VANGL2: variants seen among roughly 807,000 people sequenced by gnomAD.
VANGL2 encodes the protein vang-like protein 2.
VANGL2 carries 14 observed loss-of-function variants against 50.2 expected under a neutral mutation model. That is an observed-to-expected ratio of 0.28 (90% confidence interval 0.18 to 0.44). The LOEUF is 0.44. Ranked by LOEUF, VANGL2 falls within the 20% of genes least tolerant of loss-of-function variation. The probability of loss-of-function intolerance (pLI) is 1.00; values close to 1 mark genes in which losing one functional copy is unlikely to be tolerated. For missense variants in VANGL2, 533 were observed against 701.5 expected (o/e 0.76, Z 2.71); for synonymous variants, 295 against 297.2 (o/e 0.99, Z 0.08).
intron 4 of VANGL2, 22 bp from the exon 5 acceptor site, chr1:160,420,389 C>G (rs149376089): frequency 1.9e-6 from 3 of 1,613,868 alleles, no homozygotes; most frequent in East Asian, 4.5e-5. Flanking sequence ...TCTCCCACCC[C>G]CTCCTGCCGT....
At chr1:160,406,412 C>G (rs960789055) in intron 1 of VANGL2, among the ~76,000 whole-genome samples, 2 of 152,192 alleles carry the variant, frequency 1.3e-5, no homozygotes, top group African/African-American at 4.8e-5. Context: ...ATCTCATCTC[C>G]AGGAGGAGCA....
chr1:160,407,404 C>T (rs1319133887), intron 1 of VANGL2, among the ~76,000 whole-genome samples: 1 of 152,174 alleles, frequency 6.6e-6, no homozygotes, highest in Non-Finnish European at 1.5e-5. Flanking sequence ...CACACTGCAT[C>T]TCACACCCTG....
Position 160,421,167 on chromosome 1 carries a change from G to A in VANGL2, c.1053G>A (p.Arg351=). The change falls in exon 6 of 8, where the codon AGG becomes AGA. Residue 351 remains arginine, a synonymous_variant. Coordinates refer to ENST00000368061, the MANE Select transcript of VANGL2 (RefSeq NM_020335.3). ...YYYEEAEHER[R]VRKRRARLVV... is the part of the protein sequence containing the mutation. ...ATGAGGAGGCTGAGCATGAGCGAAG[G>A]GTGCGCAAGAGGAGGGCCAGGTGGG... 2 of 1,613,784 alleles carry A rather than the reference G, an allele frequency of 1.2e-6. No individual in the cohort carries two copies. Among genetic ancestry groups the A allele is most frequent in the Non-Finnish European group, 8.5e-7 (1 of 1,180,046 alleles).
rs534867335 is a variant in VANGL2, at chr1:160,403,999, G to T, written c.-191+3130G>T. ...TTAATAATAGGCCCTACTTCTTGGGGTTATGAGGATTAAATGAAATAATAG... is the reference window on the plus strand; with the variant it reads ...TTAATAATAGGCCCTACTTCTTGGGTTTATGAGGATTAAATGAAATAATAG... On this transcript the variant is annotated intron_variant, in intron 1 of 7. Transcript: ENST00000368061. 1.8e-4 allele frequency among the ~76,000 whole-genome samples: 28 copies of T among 152,316 alleles called. No individual in the cohort carries two copies. In the Middle Eastern group the frequency reaches 0.01, roughly 56 times the overall value.
chr1:160,424,130 G>A lies in VANGL2; in HGVS notation c.1152G>A (p.Val384=), dbSNP rs775774017. The A allele has an allele frequency of 1.2e-6, 2 of 1,614,136 alleles. No individual in the cohort carries two copies. The highest frequency in any genetic ancestry group is 4.5e-5 in the East Asian group (2 of 44,880). The change falls in exon 7 of 8, where the codon GTG becomes GTA. Residue 384 remains valine, a synonymous_variant. Transcript: ENST00000368061. ...AGGAGCAGAAAAACCCCAGGGAGGTGATGGACCCCCGGGAGGCAGCCCAAG... is the reference window on the plus strand; with the variant it reads ...AGGAGCAGAAAAACCCCAGGGAGGTAATGGACCCCCGGGAGGCAGCCCAAG... ...QEEEQKNPRE[V]MDPREAAQAI...
At chr1:160,415,023 C>T (rs1651006902) in intron 1 of VANGL2, among the ~76,000 whole-genome samples, 1 of 152,164 alleles carries the variant, frequency 6.6e-6, no homozygotes, top group Admixed American at 6.5e-5. Context: ...CCATAGTTTC[C>T]ACCCCTCACC....
At position 160,419,351 on chromosome 1, in the gene VANGL2, T is replaced by G. The variant is rs1170827928; in HGVS notation, c.542T>G (p.Leu181Arg). Residue 181 changes from leucine to arginine, a missense_variant, in exon 4 of 8, where the codon CTG (leucine) becomes CGG (arginine). By Grantham distance (102) the Leu-to-Arg change is moderately radical. Transcript: ENST00000368061. This position sits in a 1 kb window ranked among gnomAD's most constrained non-coding sequence, Gnocchi z 5.8. Reference protein sequence around the residue: ...PKASLPRVFVLRALLMVLVFL... With the variant: ...PKASLPRVFVRRALLMVLVFL... The stretch of plus-strand genomic sequence containing the variant: ...GCCTCGCTGCCCCGCGTCTTTGTGC[T>G]GCGTGCCCTGCTTATGGTGCTGGTT... 1.2e-6 allele frequency: 2 copies of G among 1,611,688 alleles called. No homozygotes were observed. The highest frequency in any genetic ancestry group is 1.7e-6 in the Non-Finnish European group (2 of 1,180,026).
At chr1:160,405,832 AGAG>A (rs1055766223) in intron 1 of VANGL2, among the ~76,000 whole-genome samples, 8 of 152,142 alleles carry the variant, frequency 5.3e-5, no homozygotes, top group Non-Finnish European at 8.8e-5. Context: ...AAAGAAGCAG[AGAG>A]GAGGAAGAGG....
intron 1 of VANGL2, among the ~76,000 whole-genome samples, chr1:160,413,014 G>A (rs1351894038): frequency 1.3e-5 from 2 of 152,168 alleles, no homozygotes; most frequent in Non-Finnish European, 2.9e-5. Context: ...GCCTATGTGT[G>A]TAGTAGGCTA....
At chr1:160,403,729 T>A (rs533063077) in intron 1 of VANGL2, among the ~76,000 whole-genome samples, 4 of 152,228 alleles carry the variant, frequency 2.6e-5, no homozygotes, top group African/African-American at 9.6e-5. Context: ...GGAGTCAGAG[T>A]TGGTTGGAAT....
Position 160,405,806 on chromosome 1 carries a change from C to T in VANGL2, c.-191+4937C>T, listed in dbSNP as rs963707282. 3.3e-5 allele frequency among the ~76,000 whole-genome samples: 5 copies of T among 152,026 alleles called. No individual in the cohort carries two copies. In the East Asian group the frequency reaches 9.6e-4, roughly 29 times the overall value. On this transcript the variant is annotated intron_variant, in intron 1 of 7. Coordinates refer to ENST00000368061, the MANE Select transcript of VANGL2 (RefSeq NM_020335.3). ...AAGGAGAGGAGGAAAGGTGGGGGAT[C>T]CAAGGGCCTCTGAAGAAAGAAGCAG...
chr1:160,424,369 T>G, intron 7 of VANGL2, 86 bp downstream of exon 7: 3 of 1,306,942 alleles, frequency 2.3e-6, no homozygotes, highest in Middle Eastern at 1.8e-4. Flanking sequence ...CTCTCACTAC[T>G]TTCCTCACTG....
At chr1:160,418,317 G>A (rs1427695430) in intron 3 of VANGL2, among the ~76,000 whole-genome samples, 1 of 152,062 alleles carries the variant, frequency 6.6e-6, no homozygotes, top group African/African-American at 2.4e-5. Flanking sequence ...CTGAGGTTCC[G>A]CCTTTCTAAC....
chr1:160,424,136 C>G lies in VANGL2; in HGVS notation c.1158C>G (p.Asp386Glu). The G allele has an allele frequency of 6.2e-7, 1 of 1,613,396 alleles. No homozygotes were observed. Residue 386 changes from aspartate (D) to glutamate (E), a missense_variant, in exon 7 of 8, where the codon GAC becomes GAG. By Grantham distance (45) the Asp-to-Glu change is conservative. Transcript: ENST00000368061. Reference protein sequence around the residue: ...EEQKNPREVMDPREAAQAIFA... With the variant: ...EEQKNPREVMEPREAAQAIFA... ...AGAAAAACCCCAGGGAGGTGATGGA[C>G]CCCCGGGAGGCAGCCCAAGCCATCT...
chr1:160,401,835 T>C (rs1442266582), intron 1 of VANGL2, among the ~76,000 whole-genome samples: 1 of 152,016 alleles, frequency 6.6e-6, no homozygotes, highest in Non-Finnish European at 1.5e-5. Context: ...TGGATAGGTG[T>C]GTGTGCACCT....
chr1:160,425,530 G>A lies in VANGL2; in HGVS notation c.*152G>A, dbSNP rs1007505379. The A allele has an allele frequency of 2.9e-5, 22 of 750,254 alleles. No homozygotes were observed. Among genetic ancestry groups the A allele is most frequent in the Middle Eastern group, 3.9e-4 (1 of 2,596 alleles). 46.5% of individuals were successfully genotyped at this position (750,254 alleles called of 1,614,324 possible). ...TAACGCACCCCCACCTTCTCTCCTC[G>A]CTTCTTCCTTATTTTACCCCATGTG... On this transcript the variant is annotated 3_prime_UTR_variant, in exon 8 of 8. Transcript: ENST00000368061.
At chr1:160,404,722 G>GGTAGCAT (rs1229408956) in intron 1 of VANGL2, among the ~76,000 whole-genome samples, 2 of 152,126 alleles carry the variant, frequency 1.3e-5, no homozygotes, top group African/African-American at 4.8e-5. Context: ...TAATCCACAC[G>GGTAGCAT]GTAGCATGTA....
Position 160,419,433 on chromosome 1 carries a change from G to T in VANGL2, c.624G>T (p.Arg208=). Residue 208 remains arginine (R), a synonymous_variant, in exon 4 of 8, where the codon CGG becomes CGT. Coordinates refer to ENST00000368061, the MANE Select transcript of VANGL2 (RefSeq NM_020335.3). The surrounding 1 kb of genome is among the most constrained non-coding windows in gnomAD (Gnocchi z 5.8). ...LFYGVRILDA[R]ERSYQGVVQF... Reference sequence around the variant, plus strand: ...ATGGTGTGCGCATCCTGGATGCTCGGGAGCGCAGCTACCAGGGCGTGGTGC... The same window carrying T: ...ATGGTGTGCGCATCCTGGATGCTCGTGAGCGCAGCTACCAGGGCGTGGTGC... The T allele has an allele frequency of 1.9e-6, 3 of 1,611,442 alleles. No homozygotes were observed. Among genetic ancestry groups the T allele is most frequent in the Non-Finnish European group, 2.5e-6 (3 of 1,180,008 alleles).
In VANGL2 at chr1:160,419,009, A is replaced by G; in HGVS notation, c.200A>G (p.Asn67Ser). The G allele has an allele frequency of 6.2e-7, 1 of 1,605,658 alleles. No individual in the cohort carries two copies. Among genetic ancestry groups the G allele is most frequent in the Non-Finnish European group, 8.5e-7 (1 of 1,173,928 alleles). Residue 67 changes from asparagine to serine, a missense_variant, in exon 4 of 8, where the codon AAC becomes AGC. Transcript: ENST00000368061. The surrounding 1 kb of genome is among the most constrained non-coding windows in gnomAD (Gnocchi z 5.8). ...ESTRGDERDD[N>S]WGETTTVVTG... ...GCCCCCTTCTGCCTGTAGGATGACA[A>G]CTGGGGGGAAACGACGACAGTAGTA... is the stretch of plus-strand genomic sequence containing the variant.
Sources: gnomAD v4.1 joint callset for allele counts (sites outside exome capture counted in the v4.1 genomes callset) on GRCh38, gnomAD v4.1.1 for gene constraint, Gnocchi (gnomAD v3.1) non-coding constraint, MANE v1.5 for transcripts, NCBI Gene and HGNC (gene_info 2026-07-23, HGNC 2026-07-21) for gene names.